RPS6KC1: variants seen among roughly 807,000 people sequenced by gnomAD.
RPS6KC1 encodes inactive ribosomal protein S6 kinase delta-1.
RPS6KC1 carries 54 observed loss-of-function variants against 103.8 expected under a neutral mutation model. The ratio of observed to expected loss-of-function variants is 0.52; its 90% CI spans 0.42 to 0.65. The LOEUF (loss-of-function observed/expected upper bound fraction) is 0.65. Among genes scored for constraint, RPS6KC1 ranks in the 30% least tolerant of loss-of-function variants. The pLI, the probability that RPS6KC1 is intolerant of heterozygous loss-of-function variation, is 0.00. For synonymous variants in RPS6KC1, 439 were observed against 438.7 expected (o/e 1.00, Z -0.01); for missense variants, 1,151 against 1,253.8 (o/e 0.92, Z 1.24).
At chr1:213,308,222 G>A in the RPS6KC1 span, among the ~76,000 whole-genome samples, 1 of 150,550 alleles carries the variant, frequency 6.6e-6, no homozygotes, top group Non-Finnish European at 1.5e-5. Flanking sequence ...GCTGAGGCAT[G>A]AGAATCACTT....
At chr1:213,723,651 G>T in the RPS6KC1 span, among the ~76,000 whole-genome samples, 1 of 152,110 alleles carries the variant, frequency 6.6e-6, no homozygotes, top group Non-Finnish European at 1.5e-5. Flanking sequence ...TATGAATTTG[G>T]GGAGATATAA....
intron 8 of RPS6KC1, among the ~76,000 whole-genome samples, chr1:213,183,281 A>G (rs1304254777): frequency 6.6e-6 from 1 of 152,164 alleles, no homozygotes; most frequent in Admixed American, 6.5e-5. Context: ...GCAACAATAC[A>G]GAAGAACTCC....
At chr1:213,564,156 CAA>C in the RPS6KC1 span, among the ~76,000 whole-genome samples, 6 of 152,062 alleles carry the variant, frequency 3.9e-5, no homozygotes, top group Non-Finnish European at 7.4e-5. Context: ...TAAAGTATAA[CAA>C]AGAGAAAATC....
At chr1:213,433,137 C>T in the RPS6KC1 span, among the ~76,000 whole-genome samples, 4 of 152,148 alleles carry the variant, frequency 2.6e-5, no homozygotes, top group Non-Finnish European at 4.4e-5. Context: ...CTGGCCTTTT[C>T]CAGTTTCTAG....
the RPS6KC1 span, among the ~76,000 whole-genome samples, chr1:213,485,798 T>C: frequency 6.6e-6 from 1 of 152,174 alleles, no homozygotes; most frequent in Non-Finnish European, 1.5e-5. Flanking sequence ...CAATAGCAGA[T>C]GTGTGTGCTA....
the RPS6KC1 span, among the ~76,000 whole-genome samples, chr1:213,712,916 T>C: frequency 4.6e-5 from 7 of 152,322 alleles, 1 homozygote; most frequent in Admixed American, 6.5e-5. Flanking sequence ...GCCTTCTGCA[T>C]TGGTCTCGCT....
At chr1:213,730,205 G>C in the RPS6KC1 span, among the ~76,000 whole-genome samples, 1 of 152,102 alleles carries the variant, frequency 6.6e-6, no homozygotes, top group African/African-American at 2.4e-5. Flanking sequence ...CCATGTCTTT[G>C]CTATTGTGAA....
At chr1:213,474,684 A>G in the RPS6KC1 span, among the ~76,000 whole-genome samples, 110 of 152,316 alleles carry the variant, frequency 7.2e-4, no homozygotes, top group African/African-American at 2.5e-3. Context: ...ACTTTGGAAA[A>G]TGCATATTAT....
chr1:213,084,935 A>G (rs2080241109), intron 3 of RPS6KC1, among the ~76,000 whole-genome samples: 1 of 152,126 alleles, frequency 6.6e-6, no homozygotes, highest in Admixed American at 6.5e-5. Flanking sequence ...CTTATTAGTG[A>G]TATGAATTTG....
chr1:213,497,313 A>T, the RPS6KC1 span, among the ~76,000 whole-genome samples: 2 of 152,154 alleles, frequency 1.3e-5, no homozygotes, highest in Non-Finnish European at 2.9e-5. Context: ...TTCGCAGAGC[A>T]TGTATGGTAC....
the RPS6KC1 span, among the ~76,000 whole-genome samples, chr1:213,683,571 G>A: frequency 6.6e-6 from 1 of 152,072 alleles, no homozygotes. Flanking sequence ...TATAAACCCA[G>A]CAATTTAGCT....
At chr1:213,809,125 T>C in the RPS6KC1 span, among the ~76,000 whole-genome samples, 1 of 152,222 alleles carries the variant, frequency 6.6e-6, no homozygotes, top group South Asian at 2.1e-4. Flanking sequence ...AGTGAGAGAC[T>C]TGCAACTCTT....
the RPS6KC1 span, among the ~76,000 whole-genome samples, chr1:213,743,930 A>T: frequency 6.6e-6 from 1 of 152,210 alleles, no homozygotes; most frequent in African/African-American, 2.4e-5. Flanking sequence ...TGTATACACC[A>T]TGGAATACTA....
At chr1:213,444,281 C>T in the RPS6KC1 span, among the ~76,000 whole-genome samples, 3 of 152,166 alleles carry the variant, frequency 2.0e-5, no homozygotes, top group Non-Finnish European at 2.9e-5. Flanking sequence ...ACCTCTGTCA[C>T]GTTCACTCGT....
chr1:213,420,566 A>T, the RPS6KC1 span, among the ~76,000 whole-genome samples: 1 of 152,102 alleles, frequency 6.6e-6, no homozygotes, highest in Non-Finnish European at 1.5e-5. Context: ...GAGGAGTGTG[A>T]GTAGGAGTGG....
chr1:213,750,985 A>G, the RPS6KC1 span, among the ~76,000 whole-genome samples: 1 of 152,228 alleles, frequency 6.6e-6, no homozygotes, highest in Admixed American at 6.5e-5. Flanking sequence ...GGAACTAAGT[A>G]ATAATAAATC....
chr1:213,592,555 C>T, the RPS6KC1 span, among the ~76,000 whole-genome samples: 2 of 152,182 alleles, frequency 1.3e-5, no homozygotes, highest in African/African-American at 4.8e-5. Context: ...ACCCACCCTT[C>T]TCCGTTGTAC....
At chr1:213,582,277 C>G in the RPS6KC1 span, among the ~76,000 whole-genome samples, 3 of 152,100 alleles carry the variant, frequency 2.0e-5, no homozygotes, top group African/African-American at 7.2e-5. Flanking sequence ...TTTAAATCCT[C>G]TGTGTTATAA....
chr1:213,095,455 A>T (rs1572491428), intron 3 of RPS6KC1, among the ~76,000 whole-genome samples: 1 of 152,362 alleles, frequency 6.6e-6, no homozygotes, highest in South Asian at 2.1e-4. Context: ...CATAGGGAAG[A>T]TACCAAAGAC....
Sources: allele counts gnomAD v4.1 joint callset (sites outside exome capture counted in the v4.1 genomes callset), GRCh38; gene constraint gnomAD v4.1.1; transcripts MANE v1.5; gene names NCBI Gene and HGNC (gene_info 2026-07-23, HGNC 2026-07-21).